The following SPIDR variants were observed in gnomAD, a reference collection of about 807,000 sequenced individuals.
SPIDR encodes scaffold protein involved in DNA repair, also known as DNA repair-scaffolding protein.
Under a neutral mutation model 104.6 loss-of-function variants are expected in SPIDR, and 93 were observed. That is an observed-to-expected ratio of 0.89 (90% CI 0.75 to 1.06). The LOEUF is 1.06. Among genes scored for constraint, SPIDR ranks in the 50% least tolerant of loss-of-function variants. The probability of loss-of-function intolerance (pLI) is 0.00; values close to 1 mark genes in which losing one functional copy is unlikely to be tolerated. For missense variants in SPIDR, 1,154 were observed against 1,111.2 expected (o/e 1.04, Z -0.55); for synonymous variants, 431 against 416.9 (o/e 1.03, Z -0.41).
At chr8:47,319,733 TATA>T (rs1336352436) in intron 5 of SPIDR, among the ~76,000 whole-genome samples, 1 of 151,800 alleles carries the variant, frequency 6.6e-6, no homozygotes, top group Non-Finnish European at 1.5e-5. Flanking sequence ...GAACAGAAAT[TATA>T]ACAAACTGTC....
rs185688059 is a variant in SPIDR, at chr8:47,451,269, C to G, written c.1097+10727C>G. On this transcript the variant is annotated intron_variant, in intron 8 of 19. Transcript: ENST00000297423. ...AAGAGAAATTCTGGAGCTGAAAGTA[C>G]AATAATTTAAATTTCAAAAACACAC... is the stretch of plus-strand genomic sequence containing the variant. Among the ~76,000 whole-genome samples the G allele has an allele frequency of 2.7e-3, 405 of 152,092 alleles. 1 individual carries two copies. Among genetic ancestry groups the G allele is most frequent in the Middle Eastern group, 0.01 (3 of 294 alleles).
intron 5 of SPIDR, among the ~76,000 whole-genome samples, chr8:47,326,869 T>A (rs940037941): frequency 8.5e-5 from 13 of 152,226 alleles, no homozygotes; most frequent in African/African-American, 3.1e-4. Flanking sequence ...TGTGTATTTA[T>A]TTCCTCCCTT....
intron 10 of SPIDR, among the ~76,000 whole-genome samples, chr8:47,632,192 G>T (rs943948747): frequency 6.6e-6 from 1 of 152,132 alleles, no homozygotes; most frequent in African/African-American, 2.4e-5. Flanking sequence ...GACATGTGCT[G>T]TACTGTGGTT....
At chr8:47,428,534 C>G (rs1351353293) in intron 7 of SPIDR, among the ~76,000 whole-genome samples, 1 of 152,140 alleles carries the variant, frequency 6.6e-6, no homozygotes, top group African/African-American at 2.4e-5. Context: ...GCTTATTTAG[C>G]CAATTCTTGG....
At chr8:47,727,535 C>T (rs2084440080) in intron 17 of SPIDR, among the ~76,000 whole-genome samples, 1 of 152,142 alleles carries the variant, frequency 6.6e-6, no homozygotes, top group Non-Finnish European at 1.5e-5. Flanking sequence ...TTTGTCCCCA[C>T]CTCCTTTATT....
chr8:47,271,882 G>A (rs2154214994), intron 1 of SPIDR, among the ~76,000 whole-genome samples: 1 of 152,168 alleles, frequency 6.6e-6, no homozygotes, highest in Non-Finnish European at 1.5e-5. Context: ...CCACCTCCCG[G>A]GTTCAAGCTA....
intron 5 of SPIDR, among the ~76,000 whole-genome samples, chr8:47,327,312 C>CTA (rs1563630535): frequency 1.3e-5 from 2 of 150,068 alleles, no homozygotes; most frequent in Non-Finnish European, 1.5e-5. Flanking sequence ...AGAGAATGAT[C>CTA]TATATATTCT....
intron 10 of SPIDR, among the ~76,000 whole-genome samples, chr8:47,640,321 C>G (rs981236072): frequency 2.6e-5 from 4 of 152,134 alleles, no homozygotes; most frequent in African/African-American, 9.7e-5. Context: ...GCTGACCGGC[C>G]TCTGGAGTTA....
intron 10 of SPIDR, chr8:47,673,439 A>C (rs1221230768): frequency 2.2e-6 from 1 of 462,054 alleles, no homozygotes; most frequent in Non-Finnish European, 4.3e-6. Flanking sequence ...TGGGAAAAGG[A>C]CACTCTGTTT....
At chr8:47,461,635 T>C (rs2073950519) in intron 8 of SPIDR, among the ~76,000 whole-genome samples, 1 of 152,078 alleles carries the variant, frequency 6.6e-6, no homozygotes, top group South Asian at 2.1e-4. Context: ...TATTTTTTCT[T>C]TCTCTTTGAT....
At chr8:47,315,353 C>G (rs1297863633) in intron 5 of SPIDR, among the ~76,000 whole-genome samples, 4 of 151,514 alleles carry the variant, frequency 2.6e-5, no homozygotes, top group Non-Finnish European at 4.4e-5. Flanking sequence ...AGTTTGAAAT[C>G]CTAAAGAGTA....
intron 5 of SPIDR, among the ~76,000 whole-genome samples, chr8:47,378,308 T>A (rs2154298866): frequency 6.6e-6 from 1 of 152,358 alleles, no homozygotes; most frequent in South Asian, 2.1e-4. Flanking sequence ...ACTATTGAAA[T>A]AATGATGAAA....
intron 11 of SPIDR, among the ~76,000 whole-genome samples, chr8:47,699,394 T>C (rs961523395): frequency 1.3e-5 from 2 of 152,158 alleles, no homozygotes; most frequent in African/African-American, 4.8e-5. Flanking sequence ...CAAGATGAGT[T>C]TCTTGACTCC....
At chr8:47,693,422 A>T (rs985346346) in intron 11 of SPIDR, among the ~76,000 whole-genome samples, 1 of 152,234 alleles carries the variant, frequency 6.6e-6, no homozygotes, top group African/African-American at 2.4e-5. Flanking sequence ...GTTGAGGGAC[A>T]CTTGTGATAT....
chr8:47,411,111 A>G (rs1176571107), intron 7 of SPIDR, among the ~76,000 whole-genome samples: 1 of 152,232 alleles, frequency 6.6e-6, no homozygotes, highest in African/African-American at 2.4e-5. Context: ...ATAGTGCCAC[A>G]GTAAACATAC....
At chr8:47,732,241 T>C (rs1394504026) in intron 19 of SPIDR, 4 of 701,742 alleles carry the variant, frequency 5.7e-6, no homozygotes, top group Admixed American at 2.0e-5. Context: ...AATATTCCCA[T>C]AGGTAAAAGC....
intron 8 of SPIDR, among the ~76,000 whole-genome samples, chr8:47,484,458 T>G (rs1265393410): frequency 6.6e-6 from 1 of 152,200 alleles, no homozygotes; most frequent in Non-Finnish European, 1.5e-5. Context: ...TAGTCCTGTA[T>G]GCAGCACCTC....
intron 8 of SPIDR, among the ~76,000 whole-genome samples, chr8:47,572,277 A>G (rs2058608248): frequency 6.6e-6 from 1 of 152,194 alleles, no homozygotes; most frequent in South Asian, 2.1e-4. Context: ...TACAATCTTA[A>G]CATACATCTA....
intron 7 of SPIDR, among the ~76,000 whole-genome samples, chr8:47,417,796 T>G (rs1312414397): frequency 1.3e-5 from 2 of 152,226 alleles, no homozygotes; most frequent in African/African-American, 2.4e-5. Context: ...GAATTAATTT[T>G]TGTATAAGGT....
Sources: allele counts gnomAD v4.1 joint callset (sites outside exome capture counted in the v4.1 genomes callset), GRCh38; gene constraint gnomAD v4.1.1; transcripts MANE v1.5; gene names NCBI Gene and HGNC (gene_info 2026-07-23, HGNC 2026-07-21).